NFIX: variants seen among roughly 807,000 people sequenced by gnomAD.
NFIX encodes nuclear factor 1 X-type.
In NFIX, 2 loss-of-function variants were observed where a neutral mutation model predicts 53.3. The observed-to-expected ratio is 0.04, with a 90% CI of 0.02 to 0.12. The LOEUF (loss-of-function observed/expected upper bound fraction) is 0.12, where lower values mean the gene tolerates loss of function less well. Among genes scored for constraint, NFIX ranks in the 10% least tolerant of loss-of-function variants. The probability of loss-of-function intolerance (pLI) is 1.00; values close to 1 mark genes in which losing one functional copy is unlikely to be tolerated. For synonymous variants in NFIX, 244 were observed against 289.0 expected, an observed-to-expected ratio of 0.84 and a Z score of 1.58; for missense variants, 310 against 674.5, an observed-to-expected ratio of 0.46 and a Z score of 5.99.
Position 13,036,224 on chromosome 19 carries a change from C to T in NFIX, c.559+10672C>T, listed in dbSNP as rs1298470154. Among the ~76,000 whole-genome samples, 1 of 152,216 alleles carries T rather than the reference C, an allele frequency of 6.6e-6. No homozygotes were observed. Among genetic ancestry groups the T allele is most frequent in the Non-Finnish European group, 1.5e-5 (1 of 68,030 alleles). On this transcript the variant is annotated intron_variant, in intron 2 of 10. Transcript: ENST00000592199. This position sits in a 1 kb window ranked among gnomAD's most constrained non-coding sequence, Gnocchi z 4.7. ...AGGGCTCTCCTTCGTGTGGAGTAGA[C>T]CCTTCGCCAACTGGCCTGGCGTGTC...
chr19:13,018,749 C>T (rs940472591), intron 1 of NFIX, among the ~76,000 whole-genome samples: 13 of 152,244 alleles, frequency 8.5e-5, no homozygotes, highest in South Asian at 2.1e-4. Context: ...CATCTCTGGC[C>T]GCTGTCTGGC....
chr19:13,090,385 T>A lies in NFIX; in HGVS notation c.1489T>A (p.Ser497Thr). 6.2e-7 allele frequency: 1 copy of A among 1,613,698 alleles called. No homozygotes were observed. Among genetic ancestry groups the A allele is most frequent in the Non-Finnish European group, 8.5e-7 (1 of 1,179,754 alleles). The change falls in exon 10 of 11, where the codon TCT (serine) becomes ACT (threonine). Residue 497 changes from serine (S) to threonine (T), a missense_variant. Coordinates refer to ENST00000592199, the MANE Select transcript of NFIX (RefSeq NM_001365902.3). The surrounding 1 kb of genome is among the most constrained non-coding windows in gnomAD (Gnocchi z 6.6). Reference protein sequence around the residue: ...DGNFLNIPQQSQSWFL With the variant: ...DGNFLNIPQQTQSWFL ...CAACTTTCTGAACATCCCACAGCAG[T>A]CTCAGGTAGGAGACCCTGCCCACCA...
At position 13,027,461 on chromosome 19, in the gene NFIX, C is replaced by T. The variant is rs1434793774; in HGVS notation, c.559+1909C>T. Reference sequence around the variant, plus strand: ...CAGAAGGCTCGGAGCCTCGAGCTTACCAGTGTGGCCATCAGATACTCCTGC... The same window carrying T: ...CAGAAGGCTCGGAGCCTCGAGCTTATCAGTGTGGCCATCAGATACTCCTGC... On this transcript the variant is annotated intron_variant, in intron 2 of 10. Coordinates refer to ENST00000592199, the MANE Select transcript of NFIX (RefSeq NM_001365902.3). The surrounding 1 kb of genome is among the most constrained non-coding windows in gnomAD (Gnocchi z 4.3). Among the ~76,000 whole-genome samples, 1 of 152,116 alleles carries T rather than the reference C, an allele frequency of 6.6e-6. No individual in the cohort carries two copies. Among genetic ancestry groups the T allele is most frequent in the South Asian group, 2.1e-4 (1 of 4,826 alleles).
At position 12,995,795 on chromosome 19, in the gene NFIX, C is replaced by T. The variant is rs1354545328; in HGVS notation, c.-43C>T. On this transcript the variant is annotated 5_prime_UTR_variant, in exon 1 of 11. Coordinates refer to ENST00000592199, the MANE Select transcript of NFIX (RefSeq NM_001365902.3). Reference sequence around the variant, plus strand: ...GCGGCCGCCGCCTGCCGGGCCTCCCCTCGCCGCGGCCGGCCGCCGCGCTCC... The same window carrying T: ...GCGGCCGCCGCCTGCCGGGCCTCCCTTCGCCGCGGCCGGCCGCCGCGCTCC... 3.1e-6 allele frequency: 3 copies of T among 961,798 alleles called. No homozygotes were observed. Among genetic ancestry groups the T allele is most frequent in the East Asian group, 1.1e-4 (1 of 8,982 alleles). 59.6% of individuals were successfully genotyped at this position (961,798 alleles called of 1,614,324 possible). A position where few individuals can be genotyped will look rare whatever the true frequency, so the allele number is the denominator to read the frequency against.
chr19:13,044,285 C>T (rs895036029), intron 2 of NFIX, among the ~76,000 whole-genome samples: 10 of 152,212 alleles, frequency 6.6e-5, no homozygotes, highest in Non-Finnish European at 5.9e-5. Flanking sequence ...TGTGGGCCAT[C>T]CAGTGTCTAG....
rs2012563606 is a variant in NFIX, at chr19:13,014,748, G to A, written c.28-10273G>A. Among the ~76,000 whole-genome samples the A allele has an allele frequency of 6.6e-6, 1 of 152,236 alleles. No individual in the cohort carries two copies. Among genetic ancestry groups the A allele is most frequent in the African/African-American group, 2.4e-5 (1 of 41,470 alleles). ...GGAGTGCTCTTGCCACTGGCCACAG[G>A]GCCTGGATTTGGGGAGGAAGAGCAG... On this transcript the variant is annotated intron_variant, in intron 1 of 10. Transcript: ENST00000592199. The surrounding 1 kb of genome is among the most constrained non-coding windows in gnomAD (Gnocchi z 4.4).
In NFIX at chr19:13,037,473, T is replaced by C. The variant is rs2014287208; in HGVS notation, c.559+11921T>C. Among the ~76,000 whole-genome samples the C allele has an allele frequency of 6.6e-6, 1 of 152,198 alleles. No homozygotes were observed. Among genetic ancestry groups the C allele is most frequent in the Admixed American group, 6.5e-5 (1 of 15,284 alleles). ...CTGGGGAAGAAAGAGGAGACAAGGA[T>C]AGTATTCTGGCCCCAGAAGAAACTA... On this transcript the variant is annotated intron_variant, in intron 2 of 10. Transcript: ENST00000592199. This position sits in a 1 kb window ranked among gnomAD's most constrained non-coding sequence, Gnocchi z 4.2.
At position 13,060,159 on chromosome 19, in the gene NFIX, G is replaced by T. The variant is rs1385148885; in HGVS notation, c.560-12888G>T. On this transcript the variant is annotated intron_variant, in intron 2 of 10. Coordinates refer to ENST00000592199, the MANE Select transcript of NFIX (RefSeq NM_001365902.3). This position sits in a 1 kb window ranked among gnomAD's most constrained non-coding sequence, Gnocchi z 4.3. ...TGCTTTGGCAGGCTCTGGGGTGGGA[G>T]TAAGCCTGTTCTCAGCTCCCCTTTA... Among the ~76,000 whole-genome samples the T allele has an allele frequency of 2.6e-5, 4 of 152,222 alleles. No individual in the cohort carries two copies. The highest frequency in any genetic ancestry group is 9.6e-5 in the African/African-American group (4 of 41,454).
In NFIX at chr19:13,045,481, C is replaced by A. The variant is rs2014925742; in HGVS notation, c.559+19929C>A. Among the ~76,000 whole-genome samples the A allele has an allele frequency of 6.6e-6, 1 of 152,104 alleles. No individual in the cohort carries two copies. ...GACGACCCCCCATAGAAGACAGTAT[C>A]TAGCCCCAGCATGAGGGGTAATGAG... On this transcript the variant is annotated intron_variant, in intron 2 of 10. Transcript: ENST00000592199. This position sits in a 1 kb window ranked among gnomAD's most constrained non-coding sequence, Gnocchi z 4.4.
At chr19:13,041,067 T>TGGTA (rs2145266771) in intron 2 of NFIX, among the ~76,000 whole-genome samples, 1 of 152,298 alleles carries the variant, frequency 6.6e-6, no homozygotes, top group South Asian at 2.1e-4. Context: ...CACCCGGTCT[T>TGGTA]GGTAGTGTCA....
rs12610355 is a variant in NFIX at position 13,027,768 on chromosome 19, G to C, written c.559+2216G>C. The stretch of plus-strand genomic sequence containing the variant: ...TCCCTGCCAGCTTAAGAGATCATTC[G>C]CCCAGGAATATGAGTGAATTCATAC... On this transcript the variant is annotated intron_variant, in intron 2 of 10. Coordinates refer to ENST00000592199, the MANE Select transcript of NFIX (RefSeq NM_001365902.3). This position sits in a 1 kb window ranked among gnomAD's most constrained non-coding sequence, Gnocchi z 4.3. Among the ~76,000 whole-genome samples, 6 of 152,278 alleles carry C rather than the reference G, an allele frequency of 3.9e-5. No homozygotes were observed. Among genetic ancestry groups the C allele is most frequent in the African/African-American group, 1.4e-4 (6 of 41,560 alleles).
At chr19:13,023,560 G>C (rs1002468960) in intron 1 of NFIX, among the ~76,000 whole-genome samples, 1 of 151,536 alleles carries the variant, frequency 6.6e-6, no homozygotes, top group Non-Finnish European at 1.5e-5. Context: ...CGGGGGTGGG[G>C]TGGGGTGCGT....
At chr19:13,008,964 C>T (rs1017024042) in intron 1 of NFIX, among the ~76,000 whole-genome samples, 12 of 152,232 alleles carry the variant, frequency 7.9e-5, no homozygotes, top group African/African-American at 1.7e-4. Flanking sequence ...TCCCCATCCT[C>T]GCTGTAGCCA....
chr19:13,093,466 T>TGCCTA lies in NFIX; in HGVS notation c.1495-1168_1495-1167insCCTAG, dbSNP rs2018260440. Among the ~76,000 whole-genome samples, 1 of 152,198 alleles carries TGCCTA rather than the reference T, an allele frequency of 6.6e-6. No individual in the cohort carries two copies. The highest frequency in any genetic ancestry group is 1.5e-5 in the Non-Finnish European group (1 of 68,032). ...GACCCTAGGCAGGGCACAGGCATTC[T>TGCCTA]GGCCACCACAGACCCTGCTTCCTCG... On this transcript the variant is annotated intron_variant, in intron 10 of 10. Transcript: ENST00000592199. This position sits in a 1 kb window ranked among gnomAD's most constrained non-coding sequence, Gnocchi z 4.7.
At position 13,088,825 on chromosome 19, in the gene NFIX, CTCTG is replaced by C. The variant is rs1297206072; in HGVS notation, c.1402+693_1402+696del. ...GGGCTTTGGCTTACTTCATCTCTCT[CTCTG>C]TCTCTCTTTCTTTTCTTTTCTTTTC... is the stretch of plus-strand genomic sequence containing the variant. On this transcript the variant is annotated intron_variant, in intron 9 of 10. Transcript: ENST00000592199. The surrounding 1 kb of genome is among the most constrained non-coding windows in gnomAD (Gnocchi z 5.9). 1.3e-5 allele frequency among the ~76,000 whole-genome samples: 2 copies of C among 152,176 alleles called. No homozygotes were observed. The highest frequency in any genetic ancestry group is 2.4e-5 in the African/African-American group (1 of 41,450).
chr19:13,000,886 G>T (rs923695386), intron 1 of NFIX, among the ~76,000 whole-genome samples: 1 of 152,170 alleles, frequency 6.6e-6, no homozygotes, highest in Non-Finnish European at 1.5e-5. Context: ...CGTGGCTGTG[G>T]GCAAAATGCC....
At chr19:13,041,926 C>T (rs1257603094) in intron 2 of NFIX, among the ~76,000 whole-genome samples, 4 of 151,950 alleles carry the variant, frequency 2.6e-5, no homozygotes, top group Non-Finnish European at 5.9e-5. Context: ...GAGATGGAGT[C>T]TCGCTCTGTC....
Position 13,011,562 on chromosome 19 carries a change from C to G in NFIX, c.28-13459C>G, listed in dbSNP as rs926021722. On this transcript the variant is annotated intron_variant, in intron 1 of 10. Transcript: ENST00000592199. The surrounding 1 kb of genome is among the most constrained non-coding windows in gnomAD (Gnocchi z 6.5). ...AGGCAGGGGGGTGTGCCGGGACTCCCCAGACGCTCCACTGCCCAATCATAG... is the reference window on the plus strand; with the variant it reads ...AGGCAGGGGGGTGTGCCGGGACTCCGCAGACGCTCCACTGCCCAATCATAG... 6.6e-6 allele frequency among the ~76,000 whole-genome samples: 1 copy of G among 152,064 alleles called. No individual in the cohort carries two copies. Among genetic ancestry groups the G allele is most frequent in the African/African-American group, 2.4e-5 (1 of 41,404 alleles).
intron 2 of NFIX, among the ~76,000 whole-genome samples, chr19:13,061,921 G>C (rs1340621296): frequency 6.6e-6 from 1 of 152,170 alleles, no homozygotes. Flanking sequence ...AGGATTTGGA[G>C]CCTAGGCTTC....
Sources: allele counts gnomAD v4.1 joint callset (sites outside exome capture counted in the v4.1 genomes callset), GRCh38; gene constraint gnomAD v4.1.1; non-coding constraint Gnocchi (gnomAD v3.1); transcripts MANE v1.5; gene names NCBI Gene and HGNC (gene_info 2026-07-23, HGNC 2026-07-21).